KAZN: variants seen among roughly 807,000 people sequenced by gnomAD.
KAZN encodes the protein kazrin, periplakin interacting protein, also known as kazrin.
In KAZN, 40 loss-of-function variants were observed where a neutral mutation model predicts 87.4. The observed-to-expected ratio is 0.46, with a 90% CI of 0.36 to 0.60. The LOEUF (loss-of-function observed/expected upper bound fraction) is 0.60, where lower values mean the gene tolerates loss of function less well. KAZN is among the 20% of genes least tolerant of loss of function. The pLI is 0.00. For synonymous variants in KAZN, 466 were observed against 458.3 expected (o/e 1.02, Z -0.22); for missense variants, 898 against 1,073.9 (o/e 0.84, Z 2.29).
chr1:13,972,132 T>C (rs1443981113), intron 1 of KAZN, among the ~76,000 whole-genome samples: 4 of 152,138 alleles, frequency 2.6e-5, no homozygotes, highest in Non-Finnish European at 5.9e-5. Context: ...GGAAAAGGCA[T>C]GTGCAAAGGA....
chr1:14,481,247 T>C (rs903639023), intron 2 of KAZN, among the ~76,000 whole-genome samples: 2 of 152,132 alleles, frequency 1.3e-5, no homozygotes, highest in Admixed American at 6.6e-5. Context: ...CAAAGTAGGA[T>C]TGATAAAAGT....
chr1:14,123,571 A>AC (rs1553131363), intron 1 of KAZN, among the ~76,000 whole-genome samples: 2 of 152,178 alleles, frequency 1.3e-5, no homozygotes, highest in Non-Finnish European at 2.9e-5. Flanking sequence ...AGAGGCAAGG[A>AC]TGGAAAGGTG....
At chr1:14,458,000 T>G (rs1322537418) in intron 2 of KAZN, among the ~76,000 whole-genome samples, 2 of 152,006 alleles carry the variant, frequency 1.3e-5, no homozygotes, top group Non-Finnish European at 2.9e-5. Context: ...GTGTGTGTGT[T>G]TTTAGTAGAG....
chr1:15,026,207 C>A (rs1025473705), intron 2 of KAZN, among the ~76,000 whole-genome samples: 2 of 152,154 alleles, frequency 1.3e-5, no homozygotes, highest in Non-Finnish European at 2.9e-5. Context: ...AGAGCCTGAG[C>A]TCAGGCCTGG....
chr1:14,045,256 G>T (rs1224205241), intron 1 of KAZN, among the ~76,000 whole-genome samples: 2 of 152,190 alleles, frequency 1.3e-5, no homozygotes, highest in Non-Finnish European at 2.9e-5. Flanking sequence ...TTGCAACACA[G>T]GCATGGAACA....
intron 2 of KAZN, among the ~76,000 whole-genome samples, chr1:14,464,847 T>C (rs748587643): frequency 1.2e-4 from 19 of 152,090 alleles, no homozygotes; most frequent in South Asian, 4.2e-4. Flanking sequence ...GTCTAAATTA[T>C]TTCTAGTGGT....
chr1:14,464,697 C>T (rs1668023613), intron 2 of KAZN, among the ~76,000 whole-genome samples: 1 of 151,868 alleles, frequency 6.6e-6, no homozygotes, highest in South Asian at 2.1e-4. Flanking sequence ...TGCCACCATG[C>T]CTGGCTAATT....
At chr1:14,810,840 G>T (rs915218015) in intron 1 of KAZN, among the ~76,000 whole-genome samples, 12 of 152,150 alleles carry the variant, frequency 7.9e-5, no homozygotes, top group Admixed American at 6.5e-4. Flanking sequence ...GTGGGGACAG[G>T]CCAGGTCCAG....
chr1:14,839,247 A>G (rs1647647435), intron 1 of KAZN, among the ~76,000 whole-genome samples: 1 of 152,116 alleles, frequency 6.6e-6, no homozygotes, highest in Non-Finnish European at 1.5e-5. Context: ...GTCTGGGTTC[A>G]AATCCTAGCC....
intron 1 of KAZN, among the ~76,000 whole-genome samples, chr1:13,956,301 C>CTTTTTTTCTTT: frequency 1.0e-5 from 1 of 95,566 alleles, no homozygotes. Flanking sequence ...CATTTCTTTT[C>CTTTTTTTCTTT]TTTTTTTTCT....
intron 2 of KAZN, among the ~76,000 whole-genome samples, chr1:14,206,969 CT>C (rs35070539): frequency 4.1e-5 from 6 of 145,590 alleles, no homozygotes; most frequent in Non-Finnish European, 7.5e-5. Flanking sequence ...TTCTTTCTTT[CT>C]TTTTTTTTTT....
At chr1:15,042,915 G>T (rs143063626) in intron 3 of KAZN, among the ~76,000 whole-genome samples, 2 of 152,310 alleles carry the variant, frequency 1.3e-5, no homozygotes, top group East Asian at 3.9e-4. Context: ...AGAGCTCCCC[G>T]CTGGGACTGT....
intron 1 of KAZN, among the ~76,000 whole-genome samples, chr1:14,626,659 G>C (rs912264645): frequency 2.0e-5 from 3 of 152,140 alleles, no homozygotes. Context: ...ACACCACCTC[G>C]GTGGTTCTCT....
intron 1 of KAZN, among the ~76,000 whole-genome samples, chr1:14,801,411 C>T (rs562107905): frequency 1.4e-4 from 21 of 152,228 alleles, no homozygotes; most frequent in Non-Finnish European, 2.6e-4. Flanking sequence ...AGGCAGGTGA[C>T]GACACATTCC....
At chr1:14,878,022 G>A (rs1038691708) in intron 1 of KAZN, among the ~76,000 whole-genome samples, 1 of 152,126 alleles carries the variant, frequency 6.6e-6, no homozygotes, top group Non-Finnish European at 1.5e-5. Flanking sequence ...GTGGAAAGAC[G>A]AGAAGGCTTG....
chr1:14,985,571 G>A (rs1266053222), intron 2 of KAZN, among the ~76,000 whole-genome samples: 1 of 151,932 alleles, frequency 6.6e-6, no homozygotes, highest in Non-Finnish European at 1.5e-5. Flanking sequence ...ATGAAAGAAT[G>A]AGAAGGCGTT....
intron 1 of KAZN, among the ~76,000 whole-genome samples, chr1:14,687,364 G>A (rs189148211): frequency 1.3e-5 from 2 of 152,314 alleles, no homozygotes; most frequent in East Asian, 3.9e-4. Flanking sequence ...AGTGCAATGA[G>A]AGAGGTGAAC....
rs553232878 is a variant in KAZN, at chr1:14,644,528, A to AT, written c.226+45311dup. Among the ~76,000 whole-genome samples the AT allele has an allele frequency of 1.5e-3, 223 of 151,248 alleles. 3 individuals carry two copies. In the South Asian group the frequency reaches 0.022, roughly 15 times the overall value. On this transcript the variant is annotated intron_variant, in intron 1 of 14. Coordinates refer to ENST00000376030, the MANE Select transcript of KAZN (RefSeq NM_201628.3). ...AGGCGCCTGCCACCACACCCAGCTA[A>AT]TTTTTTGTATTTTTAGTAGAGACGG...
chr1:14,785,464 TCAGGGGAGGC>T (rs1319426489), intron 1 of KAZN, among the ~76,000 whole-genome samples: 1 of 152,132 alleles, frequency 6.6e-6, no homozygotes, highest in Non-Finnish European at 1.5e-5. Flanking sequence ...AATGGATACC[TCAGGGGAGGC>T]CCGTTCCTCT....
Sources: gnomAD v4.1 joint callset for allele counts (sites outside exome capture counted in the v4.1 genomes callset) on GRCh38, gnomAD v4.1.1 for gene constraint, MANE v1.5 for transcripts, NCBI Gene and HGNC (gene_info 2026-07-23, HGNC 2026-07-21) for gene names.